ARMC2: variants seen among roughly 807,000 people sequenced by gnomAD.
ARMC2 encodes armadillo repeat-containing protein 2.
A neutral mutation model predicts 90.3 loss-of-function variants in ARMC2; 67 were observed. That is an observed-to-expected ratio of 0.74 (90% CI 0.61 to 0.91). ARMC2 has a LOEUF of 0.91. Ranked by LOEUF, ARMC2 falls within the 40% of genes least tolerant of loss-of-function variation. The pLI, the probability that ARMC2 is intolerant of heterozygous loss-of-function variation, is 0.00. For synonymous variants in ARMC2, 393 were observed against 393.0 expected, an observed-to-expected ratio of 1.00 and a Z score of 0.00; for missense variants, 920 against 1,030.9, an observed-to-expected ratio of 0.89 and a Z score of 1.47.
intron 5 of ARMC2, among the ~76,000 whole-genome samples, chr6:108,893,335 G>A (rs1205809822): frequency 1.3e-5 from 2 of 152,036 alleles, no homozygotes; most frequent in Non-Finnish European, 2.9e-5. Flanking sequence ...ATGGAATCAG[G>A]GCACATTTTT....
chr6:108,854,173 T>C (rs1258233096), intron 1 of ARMC2, 52 bp from the exon 2 acceptor site: 1 of 1,000,694 alleles, frequency 1.0e-6, no homozygotes, highest in African/African-American at 1.6e-5. Flanking sequence ...GCATTCGTTT[T>C]TATAAAGTCC....
the ARMC2 span, chr6:109,008,896 CTTTT>C: frequency 1.0e-6 from 1 of 986,564 alleles, no homozygotes; most frequent in Non-Finnish European, 1.2e-6. Context: ...CTTTCTCTCT[CTTTT>C]AAGTAGGAGG....
intron 11 of ARMC2, among the ~76,000 whole-genome samples, chr6:108,932,475 C>A (rs944413015): frequency 7.5e-5 from 11 of 147,306 alleles, no homozygotes; most frequent in African/African-American, 2.8e-4. Context: ...TAGCCTGTTA[C>A]CCCGTGATTA....
At chr6:109,048,981 T>C in the ARMC2 span, among the ~76,000 whole-genome samples, 1 of 152,188 alleles carries the variant, frequency 6.6e-6, no homozygotes, top group Non-Finnish European at 1.5e-5. Flanking sequence ...CTCTAGGACT[T>C]AGTGTCTTTG....
At chr6:108,854,611 C>T in intron 2 of ARMC2, 126 bp downstream of exon 2, 1 of 914,730 alleles carries the variant, frequency 1.1e-6, no homozygotes. Context: ...AAGTTCACAG[C>T]AAAATTGAGT....
chr6:108,873,484 CTTG>C (rs1234503887), intron 4 of ARMC2, among the ~76,000 whole-genome samples: 3 of 152,166 alleles, frequency 2.0e-5, no homozygotes, highest in African/African-American at 2.4e-5. Flanking sequence ...GGTGGAACCC[CTTG>C]TTGTTCACCA....
chr6:108,977,092 G>A (rs1778996777), downstream of ARMC2, among the ~76,000 whole-genome samples: 1 of 152,116 alleles, frequency 6.6e-6, no homozygotes, highest in South Asian at 2.1e-4. Flanking sequence ...ATTTTCAAAG[G>A]GAATGCTTCC....
chr6:108,975,795 G>A (rs368028043), downstream of ARMC2, among the ~76,000 whole-genome samples: 625 of 152,252 alleles, frequency 4.1e-3, 5 homozygotes, highest in South Asian at 0.014. Context: ...CTGCATAAAT[G>A]TCTTCTTTTG....
At chr6:108,971,728 C>A (rs1364339471) in intron 17 of ARMC2, among the ~76,000 whole-genome samples, 1 of 152,012 alleles carries the variant, frequency 6.6e-6, no homozygotes, top group Admixed American at 6.5e-5. Context: ...TGGAGACCAG[C>A]CGGGCCAACA....
At chr6:109,045,752 GTAT>G in the ARMC2 span, among the ~76,000 whole-genome samples, 3 of 152,156 alleles carry the variant, frequency 2.0e-5, no homozygotes, top group Admixed American at 6.5e-5. Context: ...GCACTTACTA[GTAT>G]ATACCATAAC....
the ARMC2 span, among the ~76,000 whole-genome samples, chr6:109,007,254 C>T: frequency 1.3e-5 from 2 of 152,098 alleles, no homozygotes; most frequent in African/African-American, 4.8e-5. Flanking sequence ...CTGTATGAAT[C>T]AATGTTTGTG....
the ARMC2 span, among the ~76,000 whole-genome samples, chr6:109,023,053 G>T: frequency 6.6e-6 from 1 of 152,070 alleles, no homozygotes; most frequent in Non-Finnish European, 1.5e-5. Context: ...CACCCTCTGT[G>T]ACCACCCAAA....
intron 6 of ARMC2, 40 bp from the exon 7 acceptor site, chr6:108,899,654 T>C (rs1183077353): frequency 1.3e-6 from 2 of 1,531,124 alleles, no homozygotes; most frequent in Non-Finnish European, 1.8e-6. Context: ...GACAACTCCT[T>C]TTTCATAGCT....
intron 12 of ARMC2, among the ~76,000 whole-genome samples, chr6:108,944,369 C>T (rs904555515): frequency 2.0e-5 from 3 of 152,192 alleles, no homozygotes; most frequent in Admixed American, 6.5e-5. Context: ...CACAAATTTT[C>T]GCTGCCAGAC....
In ARMC2 at chr6:108,973,989, A is replaced by G. The variant is rs193042034; in HGVS notation, c.*475A>G. ...ATAAATGCTCTCATTAGGTACCAGT[A>G]TTTTTTTGGTCTTTATATTAAGAGA... On this transcript the variant is annotated 3_prime_UTR_variant, in exon 18 of 18. Transcript: ENST00000392644. 2 of 152,374 alleles carry G rather than the reference A, an allele frequency of 1.3e-5. No individual in the cohort carries two copies. The highest frequency in any genetic ancestry group is 1.3e-4 in the Admixed American group (2 of 15,300). 9.4% of individuals were successfully genotyped at this position (152,374 alleles called of 1,614,324 possible).
chr6:108,909,995 T>C (rs1773245432), intron 8 of ARMC2, among the ~76,000 whole-genome samples: 1 of 152,206 alleles, frequency 6.6e-6, no homozygotes, highest in African/African-American at 2.4e-5. Context: ...TCCCCCTTTC[T>C]TTTCTTTCCT....
At chr6:108,993,812 C>T in the ARMC2 span, among the ~76,000 whole-genome samples, 3 of 152,004 alleles carry the variant, frequency 2.0e-5, no homozygotes, top group African/African-American at 7.2e-5. Context: ...TGCCTGGCTT[C>T]AAGGTGATCC....
At chr6:108,956,705 A>T (rs12193858) in intron 13 of ARMC2, among the ~76,000 whole-genome samples, 20,707 of 151,614 alleles carry the variant, frequency 0.14, 1,542 homozygotes, top group South Asian at 0.25. Flanking sequence ...TGTCTCCAAG[A>T]AAAAGTCCGG....
intron 4 of ARMC2, among the ~76,000 whole-genome samples, chr6:108,875,734 C>G (rs1387690409): frequency 2.6e-5 from 4 of 152,096 alleles, no homozygotes; most frequent in African/African-American, 9.7e-5. Context: ...TGATGCACAC[C>G]AAGTACCTAG....
Sources: allele counts gnomAD v4.1 joint callset (sites outside exome capture counted in the v4.1 genomes callset), GRCh38; gene constraint gnomAD v4.1.1; transcripts MANE v1.5; gene names NCBI Gene and HGNC (gene_info 2026-07-23, HGNC 2026-07-21).